METTL22: variants seen among roughly 807,000 people sequenced by gnomAD.
METTL22 encodes methyltransferase-like protein 22.
METTL22 carries 51 observed loss-of-function variants against 48.4 expected under a neutral mutation model. The ratio of observed to expected loss-of-function variants is 1.05; its 90% CI spans 0.84 to 1.33. The LOEUF is 1.33. METTL22 is among the 40% of genes most tolerant of loss of function. The pLI is 0.00. For missense variants in METTL22, 678 were observed against 526.9 expected (o/e 1.29, Z -2.81); for synonymous variants, 255 against 214.1 (o/e 1.19, Z -1.67).
downstream of METTL22, among the ~76,000 whole-genome samples, chr16:8,650,922 G>T (rs930384601): frequency 6.6e-6 from 1 of 152,196 alleles, no homozygotes. Flanking sequence ...TACTCTGGAG[G>T]CTGAGGCAGG....
At chr16:8,638,285 A>G (rs1331085674) in intron 5 of METTL22, among the ~76,000 whole-genome samples, 1 of 152,184 alleles carries the variant, frequency 6.6e-6, no homozygotes, top group African/African-American at 2.4e-5. Flanking sequence ...CCTGGGGTGC[A>G]GATGTTAGTC....
chr16:8,622,455 C>A (rs986022945), intron 1 of METTL22, among the ~76,000 whole-genome samples: 2 of 151,978 alleles, frequency 1.3e-5, no homozygotes, highest in Non-Finnish European at 2.9e-5. Context: ...AGCCTGCAGC[C>A]CTATGGAGAG....
chr16:8,663,079 G>A, the METTL22 span, among the ~76,000 whole-genome samples: 1 of 151,502 alleles, frequency 6.6e-6, no homozygotes, highest in Non-Finnish European at 1.5e-5. Context: ...ATGATGGCAG[G>A]CGCCTATAAT....
At position 8,629,032 on chromosome 16, in the gene METTL22, C is replaced by T. The variant is rs765472525; in HGVS notation, c.436C>T (p.Pro146Ser). Residue 146 changes from proline to serine, a missense_variant, in exon 3 of 11, where the codon CCC becomes TCC. Pro to Ser is a moderately conservative substitution (Grantham distance 74, BLOSUM62 -1). Transcript: ENST00000381920. ...PAGPLRDKVH[P>S]MILAQEEDDV... ...AGGGCCTCTGAGAGACAAGGTACAT[C>T]CCATGATTCTAGCACAGGAAGAAGA... 1 of 1,613,960 alleles carries T rather than the reference C, an allele frequency of 6.2e-7. No homozygotes were observed. Among genetic ancestry groups the T allele is most frequent in the African/African-American group, 1.3e-5 (1 of 74,936 alleles).
chr16:8,659,917 G>A, the METTL22 span, among the ~76,000 whole-genome samples: 1 of 151,920 alleles, frequency 6.6e-6, no homozygotes, highest in South Asian at 2.1e-4. Context: ...GTAGAGACGG[G>A]GTCTCACTAT....
At chr16:8,660,889 G>GGAGGAA in the METTL22 span, among the ~76,000 whole-genome samples, 5 of 138,124 alleles carry the variant, frequency 3.6e-5, no homozygotes, top group African/African-American at 1.3e-4. Flanking sequence ...AGGAGGAGGA[G>GGAGGAA]GAGGAGGAGG....
chr16:8,659,321 G>GAA, the METTL22 span, among the ~76,000 whole-genome samples: 5 of 127,142 alleles, frequency 3.9e-5, no homozygotes, highest in South Asian at 5.1e-4. Context: ...ACAGAATGAG[G>GAA]AAAAAAAAAA....
In METTL22 at chr16:8,649,238, C is replaced by G. The variant is rs139239171; in HGVS notation, c.*3095C>G. The stretch of plus-strand genomic sequence containing the variant: ...AGTAGAGCCTGGAATTAATCTTGAT[C>G]CACTGTAATTCAAAGTATCGTCAGA... On this transcript the variant is annotated 3_prime_UTR_variant, in exon 11 of 11. Transcript: ENST00000381920. The G allele has an allele frequency of 6.6e-6, 1 of 152,174 alleles. No homozygotes were observed. Among genetic ancestry groups the G allele is most frequent in the African/African-American group, 2.4e-5 (1 of 41,446 alleles). The allele number at this position is 152,174 out of a possible 1,614,324, so 9.4% of individuals were successfully genotyped here. A position where few individuals can be genotyped will look rare whatever the true frequency, so the allele number is the denominator to read the frequency against.
the METTL22 span, among the ~76,000 whole-genome samples, chr16:8,666,459 C>G: frequency 6.6e-6 from 1 of 152,228 alleles, no homozygotes; most frequent in Non-Finnish European, 1.5e-5. Flanking sequence ...AGAACCCAAA[C>G]TACAAGAGTG....
chr16:8,651,658 G>A (rs1416693019), downstream of METTL22, among the ~76,000 whole-genome samples: 3 of 152,102 alleles, frequency 2.0e-5, no homozygotes, highest in African/African-American at 4.8e-5. Flanking sequence ...AGCAATAGCT[G>A]GACAAAAAGC....
In METTL22 at chr16:8,646,515, C is replaced by G. The variant is rs1206605970; in HGVS notation, c.*372C>G. 2.0e-6 allele frequency: 1 copy of G among 510,744 alleles called. No homozygotes were observed. Among genetic ancestry groups the G allele is most frequent in the African/African-American group, 1.9e-5 (1 of 52,310 alleles). 31.6% of individuals were successfully genotyped at this position (510,744 alleles called of 1,614,324 possible). A position where few individuals can be genotyped will look rare whatever the true frequency, so the allele number is the denominator to read the frequency against. Reference sequence around the variant, plus strand: ...GGATTCTTGTACTGCCCTCTGTCAGCTGTTTACAGATGGGTTGACTACCAC... The same window carrying G: ...GGATTCTTGTACTGCCCTCTGTCAGGTGTTTACAGATGGGTTGACTACCAC... On this transcript the variant is annotated 3_prime_UTR_variant, in exon 11 of 11. Coordinates refer to ENST00000381920, the MANE Select transcript of METTL22 (RefSeq NM_024109.4).
rs1335382353 is a variant in METTL22, at chr16:8,644,566, C to T, written c.1020C>T (p.Phe340=). ...AILSVEKRLN[F]TLRHLDVTCE... ...ACTGGCTGGTTTGCAGGCTCAACTT[C>T]ACATTGAGACACTTGGACGTCACAT... Residue 340 remains phenylalanine, a synonymous_variant, in exon 10 of 11, where the codon TTC becomes TTT. Coordinates refer to ENST00000381920, the MANE Select transcript of METTL22 (RefSeq NM_024109.4). 6.4e-7 allele frequency: 1 copy of T among 1,557,632 alleles called. No individual in the cohort carries two copies. Among genetic ancestry groups the T allele is most frequent in the South Asian group, 1.2e-5 (1 of 84,642 alleles).
At position 8,639,450 on chromosome 16, in the gene METTL22, C is replaced by T. The variant is rs1280403632; in HGVS notation, c.772+288C>T. 10 of 482,320 alleles carry T rather than the reference C, an allele frequency of 2.1e-5. No individual in the cohort carries two copies. The East Asian group carries it at 2.5e-4, about 12-fold the overall frequency. 29.9% of individuals were successfully genotyped at this position (482,320 alleles called of 1,614,324 possible). ...GGTCTCCCCAGCTCCTTAGTTGACC[C>T]GTCCAAGATGTCCTCATGAAACATC... is the stretch of plus-strand genomic sequence containing the variant. On this transcript the variant is annotated intron_variant, in intron 6 of 10. Transcript: ENST00000381920.
the METTL22 span, among the ~76,000 whole-genome samples, chr16:8,662,654 C>A: frequency 1.4e-5 from 2 of 143,760 alleles, 1 homozygote; most frequent in East Asian, 4.0e-4. Context: ...TGGTTTGGGT[C>A]CTGGAGACAG....
At chr16:8,660,427 C>T in the METTL22 span, among the ~76,000 whole-genome samples, 1 of 152,096 alleles carries the variant, frequency 6.6e-6, no homozygotes, top group African/African-American at 2.4e-5. Context: ...GATCCGCCTG[C>T]TTCGGCCTCC....
At position 8,639,201 on chromosome 16, in the gene METTL22, C is replaced by T. The variant is rs1036675843; in HGVS notation, c.772+39C>T. ...GGTCTTCTGCCAGGGAGGGAGGTTT[C>T]TCTGTTTAGCAGATAGGACAGACAC... On this transcript the variant is annotated intron_variant, in intron 6 of 10. Coordinates refer to ENST00000381920, the MANE Select transcript of METTL22 (RefSeq NM_024109.4). The T allele has an allele frequency of 4.4e-6, 7 of 1,604,538 alleles. No homozygotes were observed. In the African/African-American group the frequency reaches 5.4e-5, roughly 12 times the overall value.
intron 3 of METTL22, among the ~76,000 whole-genome samples, chr16:8,629,593 C>G (rs2056185223): frequency 6.6e-6 from 1 of 152,090 alleles, no homozygotes; most frequent in Non-Finnish European, 1.5e-5. Context: ...GGGGCGTGGA[C>G]CAGTCAGATG....
intron 9 of METTL22, chr16:8,642,792 A>C (rs1340370296): frequency 1.0e-5 from 6 of 594,170 alleles, no homozygotes; most frequent in Non-Finnish European, 1.8e-5. Context: ...TGAAGAGAGG[A>C]AGGCTGGGAA....
At chr16:8,657,639 T>C in the METTL22 span, among the ~76,000 whole-genome samples, 2 of 152,146 alleles carry the variant, frequency 1.3e-5, no homozygotes, top group Non-Finnish European at 2.9e-5. Flanking sequence ...GTGGGTTGAA[T>C]GGTGGCCCTA....
Sources: gnomAD v4.1 joint callset for allele counts (sites outside exome capture counted in the v4.1 genomes callset) on GRCh38, gnomAD v4.1.1 for gene constraint, MANE v1.5 for transcripts, NCBI Gene and HGNC (gene_info 2026-07-23, HGNC 2026-07-21) for gene names.